The following PTPN3 variants were observed in gnomAD, a reference collection of about 807,000 sequenced individuals.
PTPN3 encodes protein tyrosine phosphatase non-receptor type 3.
PTPN3 carries 96 observed loss-of-function variants against 132.7 expected under a neutral mutation model. The observed-to-expected ratio is 0.72, with a 90% CI of 0.61 to 0.86. The LOEUF is 0.86. Among genes scored for constraint, PTPN3 ranks in the 40% least tolerant of loss-of-function variants. PTPN3 has a pLI of 0.00. For missense variants in PTPN3, 1,125 were observed against 1,159.6 expected, an observed-to-expected ratio of 0.97 and a Z score of 0.43; for synonymous variants, 398 against 429.0, an observed-to-expected ratio of 0.93 and a Z score of 0.89.
intron 21 of PTPN3, among the ~76,000 whole-genome samples, chr9:109,390,788 A>C (rs1189340381): frequency 6.6e-6 from 1 of 151,928 alleles, no homozygotes; most frequent in Non-Finnish European, 1.5e-5. Flanking sequence ...GCAGGATGAC[A>C]CTCATTACAT....
In PTPN3 at chr9:109,379,495, T is replaced by C. The variant is rs1369360090; in HGVS notation, c.*61A>G. 9 of 1,463,558 alleles carry C rather than the reference T, an allele frequency of 6.1e-6. No homozygotes were observed. The highest frequency in any genetic ancestry group is 3.4e-5 in the Admixed American group (2 of 59,694). The allele number at this position is 1,463,558 out of a possible 1,614,324, so 90.7% of individuals were successfully genotyped here. On this transcript the variant is annotated 3_prime_UTR_variant, in exon 26 of 26. Coordinates refer to ENST00000374541, the MANE Select transcript of PTPN3 (RefSeq NM_002829.4). ...TCCTCTTGCTGCTTCCAGAGAGGTC[T>C]GTCCTCCTCTTTCAAGGAGGATGCC... is the stretch of plus-strand genomic sequence containing the variant.
chr9:109,386,479 TG>T (rs1839591480), intron 22 of PTPN3, among the ~76,000 whole-genome samples: 1 of 151,970 alleles, frequency 6.6e-6, no homozygotes, highest in Non-Finnish European at 1.5e-5. Context: ...GAATCGGTGT[TG>T]GGGGAATGTG....
At chr9:109,382,252 T>C in intron 24 of PTPN3, 50 bp downstream of exon 24, 4 of 1,593,566 alleles carry the variant, frequency 2.5e-6, no homozygotes, top group Non-Finnish European at 3.4e-6. Flanking sequence ...CTCCAGGCCT[T>C]TTCCGACAGG....
At chr9:109,397,116 G>A (rs1187536879) in intron 19 of PTPN3, among the ~76,000 whole-genome samples, 1 of 152,214 alleles carries the variant, frequency 6.6e-6, no homozygotes, top group Non-Finnish European at 1.5e-5. Flanking sequence ...CATGGGTAAG[G>A]AGACAGCAAA....
At chr9:109,528,227 C>T in the PTPN3 span, among the ~76,000 whole-genome samples, 12 of 152,106 alleles carry the variant, frequency 7.9e-5, no homozygotes, top group East Asian at 7.7e-4. Flanking sequence ...AACAATGTCA[C>T]GTGGCAAATA....
chr9:109,527,618 G>T, the PTPN3 span, among the ~76,000 whole-genome samples: 1 of 152,196 alleles, frequency 6.6e-6, no homozygotes, highest in Admixed American at 6.6e-5. Flanking sequence ...TAGAAGAATT[G>T]TAATGTTCCC....
chr9:109,510,338 C>A, the PTPN3 span, among the ~76,000 whole-genome samples: 1 of 151,748 alleles, frequency 6.6e-6, no homozygotes, highest in Admixed American at 6.6e-5. Context: ...GCGGGCAGAT[C>A]ACCTGAGGTC....
At chr9:109,496,453 G>A (rs1847672665) in intron 1 of PTPN3, among the ~76,000 whole-genome samples, 1 of 152,224 alleles carries the variant, frequency 6.6e-6, no homozygotes, top group Non-Finnish European at 1.5e-5. Context: ...GGAACCAGGA[G>A]ACTTGGGTTA....
intron 9 of PTPN3, among the ~76,000 whole-genome samples, chr9:109,435,801 A>T (rs944236740): frequency 4.6e-5 from 7 of 152,254 alleles, no homozygotes; most frequent in Admixed American, 3.9e-4. Flanking sequence ...TATTATTTGC[A>T]AATGGAATAA....
At chr9:109,389,135 C>G in intron 22 of PTPN3, 98 bp downstream of exon 22, 1 of 1,472,320 alleles carries the variant, frequency 6.8e-7, no homozygotes, top group Non-Finnish European at 9.2e-7. Context: ...ACGGGCTGGA[C>G]CAGGAGACGC....
At chr9:109,534,837 AAGTT>A in the PTPN3 span, among the ~76,000 whole-genome samples, 1 of 151,010 alleles carries the variant, frequency 6.6e-6, no homozygotes, top group African/African-American at 2.4e-5. Flanking sequence ...CAAACAAACA[AAGTT>A]AGTGTGCAGT....
the PTPN3 span, among the ~76,000 whole-genome samples, chr9:109,520,900 G>A: frequency 8.5e-5 from 13 of 152,086 alleles, no homozygotes; most frequent in African/African-American, 9.7e-5. Context: ...TTGCACACAC[G>A]CCCTCTACAC....
chr9:109,385,354 A>G (rs1324420437), intron 22 of PTPN3, among the ~76,000 whole-genome samples: 1 of 152,242 alleles, frequency 6.6e-6, no homozygotes, highest in Non-Finnish European at 1.5e-5. Flanking sequence ...CAGTCTCCAC[A>G]TTAATGCTGC....
intron 1 of PTPN3, among the ~76,000 whole-genome samples, chr9:109,478,052 G>A (rs1052233136): frequency 7.2e-5 from 11 of 152,194 alleles, no homozygotes; most frequent in African/African-American, 2.7e-4. Flanking sequence ...ACAGCCTCAC[G>A]GTGTCTGAAC....
chr9:109,388,715 G>C (rs558406134), intron 22 of PTPN3, among the ~76,000 whole-genome samples: 2 of 152,308 alleles, frequency 1.3e-5, no homozygotes, highest in East Asian at 3.9e-4. Flanking sequence ...TAAGACAAGA[G>C]ACCATTGCTG....
intron 16 of PTPN3, among the ~76,000 whole-genome samples, 156 bp from the exon 17 acceptor site, chr9:109,408,533 C>T (rs527417944): frequency 6.6e-6 from 1 of 152,080 alleles, no homozygotes; most frequent in East Asian, 1.9e-4. Context: ...ATGACTGATT[C>T]GAATCACACG....
At chr9:109,390,565 C>T (rs189251495) in intron 21 of PTPN3, among the ~76,000 whole-genome samples, 3 of 152,136 alleles carry the variant, frequency 2.0e-5, no homozygotes, top group Admixed American at 2.0e-4. Flanking sequence ...CTAACCTGCA[C>T]ATTGTGCACA....
intron 14 of PTPN3, among the ~76,000 whole-genome samples, chr9:109,419,731 C>T (rs1322504136): frequency 6.6e-6 from 1 of 152,050 alleles, no homozygotes; most frequent in Non-Finnish European, 1.5e-5. Flanking sequence ...TTCTGAACTC[C>T]CTGGTAACCA....
At chr9:109,404,304 A>T in intron 19 of PTPN3, 144 bp downstream of exon 19, 1 of 573,068 alleles carries the variant, frequency 1.7e-6, no homozygotes, top group Non-Finnish European at 2.7e-6. Flanking sequence ...GACTCAGTTG[A>T]CTGCTTTTGG....
Sources: allele counts gnomAD v4.1 joint callset (sites outside exome capture counted in the v4.1 genomes callset), GRCh38; gene constraint gnomAD v4.1.1; transcripts MANE v1.5; gene names NCBI Gene and HGNC (gene_info 2026-07-23, HGNC 2026-07-21).